KCTD1: variants seen among roughly 807,000 people sequenced by gnomAD.
KCTD1 encodes the protein BTB/POZ domain-containing protein KCTD1.
KCTD1 carries 24 observed loss-of-function variants against 66.0 expected under a neutral mutation model. The ratio of observed to expected loss-of-function variants is 0.36; its 90% CI spans 0.26 to 0.51. KCTD1 has a LOEUF of 0.51. Among genes scored for constraint, KCTD1 ranks in the 20% least tolerant of loss-of-function variants. The pLI is 0.95. For synonymous variants in KCTD1, 511 were observed against 517.2 expected, an observed-to-expected ratio of 0.99 and a Z score of 0.16; for missense variants, 943 against 1,205.2, an observed-to-expected ratio of 0.78 and a Z score of 3.22.
intron 2 of KCTD1, among the ~76,000 whole-genome samples, chr18:26,480,753 C>T (rs191644905): frequency 4.0e-5 from 6 of 151,728 alleles, no homozygotes; most frequent in Admixed American, 1.3e-4. Context: ...GGCAACAGAG[C>T]GAGACTTTGT....
upstream of KCTD1, chr18:26,640,395 G>C (rs1987811329): frequency 6.6e-6 from 1 of 152,288 alleles, no homozygotes; most frequent in Non-Finnish European, 1.5e-5. Context: ...GCTGCAGTGA[G>C]CCGTGATGGT....
intron 1 of KCTD1, among the ~76,000 whole-genome samples, chr18:26,649,404 C>T (rs1252351491): frequency 6.6e-6 from 1 of 152,188 alleles, no homozygotes; most frequent in African/African-American, 2.4e-5. Context: ...CTCCTCCCTG[C>T]CCCACAGCCC....
intron 1 of KCTD1, among the ~76,000 whole-genome samples, chr18:26,569,990 C>T (rs1431944868): frequency 1.3e-5 from 2 of 152,002 alleles, no homozygotes; most frequent in Non-Finnish European, 2.9e-5. Flanking sequence ...AGTTCGAAAC[C>T]AGCCTGACCA....
At chr18:26,633,826 GC>G (rs1987669756), upstream of KCTD1, among the ~76,000 whole-genome samples, 1 of 152,148 alleles carries the variant, frequency 6.6e-6, no homozygotes, top group African/African-American at 2.4e-5. Flanking sequence ...TATCAGGCCT[GC>G]CAAAATTAAA....
At chr18:26,503,851 G>T (rs1982893251) in intron 1 of KCTD1, among the ~76,000 whole-genome samples, 1 of 151,908 alleles carries the variant, frequency 6.6e-6, no homozygotes, top group Non-Finnish European at 1.5e-5. Context: ...AGCTGGGGGT[G>T]GGGGTGGGGT....
intron 2 of KCTD1, among the ~76,000 whole-genome samples, chr18:26,478,408 T>C (rs931062491): frequency 6.6e-6 from 1 of 152,206 alleles, no homozygotes; most frequent in Non-Finnish European, 1.5e-5. Flanking sequence ...ATTACCAATA[T>C]CGAATGAAAG....
At chr18:26,549,030 G>A (rs1158247718), upstream of KCTD1, 9 of 985,242 alleles carry the variant, frequency 9.1e-6, no homozygotes, top group East Asian at 3.5e-4. Context: ...GAGCCGGGGG[G>A]TCGGGGCGGC....
At chr18:26,626,765 G>T (rs1233942478) in intron 1 of KCTD1, among the ~76,000 whole-genome samples, 1 of 152,130 alleles carries the variant, frequency 6.6e-6, no homozygotes, top group South Asian at 2.1e-4. Flanking sequence ...ACGAGTCCCT[G>T]TGCCCAGCAG....
chr18:26,656,239 G>T (rs1988134718), intron 1 of KCTD1, among the ~76,000 whole-genome samples: 1 of 152,040 alleles, frequency 6.6e-6, no homozygotes, highest in Non-Finnish European at 1.5e-5. Context: ...GGCGCTGACC[G>T]CAGCGCCGGG....
chr18:26,574,248 T>C (rs187414715), intron 1 of KCTD1, among the ~76,000 whole-genome samples: 3 of 152,338 alleles, frequency 2.0e-5, no homozygotes, highest in Admixed American at 2.0e-4. Flanking sequence ...TCTCCTCTTT[T>C]ATAAACACAC....
chr18:26,624,920 G>C (rs1987465930), intron 1 of KCTD1, among the ~76,000 whole-genome samples: 1 of 152,232 alleles, frequency 6.6e-6, no homozygotes, highest in Non-Finnish European at 1.5e-5. Flanking sequence ...GGCCATGGGA[G>C]TCCACCTCTT....
chr18:26,517,410 C>A (rs1056713685), intron 1 of KCTD1, among the ~76,000 whole-genome samples: 1 of 152,158 alleles, frequency 6.6e-6, no homozygotes, highest in African/African-American at 2.4e-5. Context: ...AATCCCAACA[C>A]TTTGGGAGGC....
intron 1 of KCTD1, among the ~76,000 whole-genome samples, chr18:26,511,187 G>T (rs1983310762): frequency 6.6e-6 from 1 of 152,154 alleles, no homozygotes; most frequent in Non-Finnish European, 1.5e-5. Flanking sequence ...AGAAATACAA[G>T]AATGGAACTA....
intron 2 of KCTD1, among the ~76,000 whole-genome samples, chr18:26,498,086 C>G (rs934289752): frequency 3.9e-5 from 6 of 152,212 alleles, no homozygotes; most frequent in African/African-American, 1.4e-4. Context: ...CCCCCAGTAA[C>G]CTTGCAAGGA....
At chr18:26,495,413 C>T (rs1982418632) in intron 2 of KCTD1, among the ~76,000 whole-genome samples, 1 of 152,182 alleles carries the variant, frequency 6.6e-6, no homozygotes, top group Non-Finnish European at 1.5e-5. Context: ...ATGGCTAACC[C>T]ATCCGAGAAT....
At chr18:26,632,376 A>G (rs536513095), upstream of KCTD1, among the ~76,000 whole-genome samples, 23 of 152,260 alleles carry the variant, frequency 1.5e-4, 1 homozygote, top group Middle Eastern at 6.8e-3. Flanking sequence ...ACAGAGTGAG[A>G]CTCCATCTTA....
Position 26,476,440 on chromosome 18 carries a change from A to G in KCTD1, c.2133+75T>C, listed in dbSNP as rs1327414894. 9.3e-6 allele frequency: 13 copies of G among 1,400,910 alleles called. No individual in the cohort carries two copies. The highest frequency in any genetic ancestry group is 5.8e-5 in the African/African-American group (4 of 69,284). 86.8% of individuals were successfully genotyped at this position (1,400,910 alleles called of 1,614,324 possible). On this transcript the variant is annotated intron_variant, in intron 3 of 4. Coordinates refer to ENST00000580059, the MANE Select transcript of KCTD1 (RefSeq NM_001142730.3). The surrounding 1 kb of genome is among the most constrained non-coding windows in gnomAD (Gnocchi z 4.9). ...AGTTGGTGTATGTTAATAATGTAGA[A>G]CTAGAAATATTTTTTTGGAGCACAT... is the stretch of plus-strand genomic sequence containing the variant.
chr18:26,501,349 C>T (rs1471736598), intron 1 of KCTD1, 99 bp from the exon 2 acceptor site: 1 of 1,059,102 alleles, frequency 9.4e-7, no homozygotes, highest in African/African-American at 1.6e-5. Context: ...TAACGATACT[C>T]ATTCAGTAAT....
intron 1 of KCTD1, among the ~76,000 whole-genome samples, chr18:26,513,616 G>A (rs1251917376): frequency 1.3e-5 from 2 of 152,182 alleles, no homozygotes; most frequent in African/African-American, 2.4e-5. Flanking sequence ...GAGCTATGTG[G>A]CCTTGGCAAA....
Sources: gnomAD v4.1 joint callset for allele counts (sites outside exome capture counted in the v4.1 genomes callset) on GRCh38, gnomAD v4.1.1 for gene constraint, Gnocchi (gnomAD v3.1) non-coding constraint, MANE v1.5 for transcripts, NCBI Gene and HGNC (gene_info 2026-07-23, HGNC 2026-07-21) for gene names.